Variants in RYR2 observed in about 807,000 individuals in gnomAD.
The protein encoded by RYR2 is ryanodine receptor 2.
Under a neutral mutation model 601.1 loss-of-function variants are expected in RYR2, and 227 were observed. The ratio of observed to expected loss-of-function variants is 0.38; its 90% CI spans 0.34 to 0.42. RYR2 has a LOEUF of 0.42. Ranked by LOEUF, RYR2 falls within the 10% of genes least tolerant of loss-of-function variation. The pLI is 1.00. For synonymous variants in RYR2, 2,223 were observed against 2,175.1 expected (o/e 1.02, Z -0.61); for missense variants, 4,646 against 6,156.5 (o/e 0.75, Z 8.21).
intron 1 of RYR2, among the ~76,000 whole-genome samples, chr1:237,183,079 A>G (rs1198697573): frequency 1.3e-5 from 2 of 152,166 alleles, no homozygotes; most frequent in Non-Finnish European, 2.9e-5. Flanking sequence ...ATCCTGACTC[A>G]GGCCCTTCTA....
At chr1:237,793,751 C>A in intron 94 of RYR2, 116 bp from the exon 95 acceptor site, 3 of 760,912 alleles carry the variant, frequency 3.9e-6, no homozygotes, top group Non-Finnish European at 4.2e-6. Flanking sequence ...CCATTTTTAC[C>A]TTCCTAGAAG....
At chr1:237,580,494 C>T (rs1673791386) in intron 29 of RYR2, among the ~76,000 whole-genome samples, 1 of 151,600 alleles carries the variant, frequency 6.6e-6, no homozygotes, top group Non-Finnish European at 1.5e-5. Context: ...TGAAGAAATG[C>T]CTTAAGGGGT....
intron 12 of RYR2, among the ~76,000 whole-genome samples, chr1:237,423,753 TC>T (rs912499292): frequency 6.6e-6 from 1 of 152,188 alleles, no homozygotes; most frequent in African/African-American, 2.4e-5. Context: ...CATTTATACA[TC>T]CATTCTTATA....
In RYR2 at chr1:237,383,648, C is replaced by T. The variant is rs549722462; in HGVS notation, c.577-3633C>T. On this transcript the variant is annotated intron_variant, in intron 8 of 104. Coordinates refer to ENST00000366574, the MANE Select transcript of RYR2 (RefSeq NM_001035.3). The stretch of plus-strand genomic sequence containing the variant: ...GCTTCACCGTGTTGGCCAGGATGGT[C>T]TCGATCTCCTGACCTCGTGATCTGC... Among the ~76,000 whole-genome samples, 9 of 152,058 alleles carry T rather than the reference C, an allele frequency of 5.9e-5. No homozygotes were observed. In the South Asian group the frequency reaches 1.7e-3, roughly 28 times the overall value.
At chr1:237,313,158 G>GT (rs560094817) in intron 2 of RYR2, among the ~76,000 whole-genome samples, 17 of 149,998 alleles carry the variant, frequency 1.1e-4, no homozygotes, top group African/African-American at 3.3e-4. Context: ...TTGAAGTACA[G>GT]ATATAGTTAA....
At chr1:237,679,256 C>T (rs1685650215) in intron 61 of RYR2, among the ~76,000 whole-genome samples, 1 of 152,304 alleles carries the variant, frequency 6.6e-6, no homozygotes, top group African/African-American at 2.4e-5. Flanking sequence ...CCCGTATACT[C>T]AGCACCCCCG....
intron 80 of RYR2, among the ~76,000 whole-genome samples, chr1:237,750,554 A>G (rs954958878): frequency 2.0e-5 from 3 of 150,914 alleles, no homozygotes; most frequent in African/African-American, 7.3e-5. Context: ...ATAAATATCA[A>G]TATCATTAAA....
At chr1:237,422,229 C>A (rs1006016551) in intron 11 of RYR2, among the ~76,000 whole-genome samples, 31 of 152,092 alleles carry the variant, frequency 2.0e-4, no homozygotes, top group African/African-American at 7.2e-4. Flanking sequence ...ACCTGAAAGT[C>A]ATTTATTTAT....
At chr1:237,766,710 T>A (rs1693873885) in intron 84 of RYR2, among the ~76,000 whole-genome samples, 1 of 152,172 alleles carries the variant, frequency 6.6e-6, no homozygotes, top group Non-Finnish European at 1.5e-5. Context: ...AGAAACAAGA[T>A]GCAATCACAT....
Position 237,595,140 on chromosome 1 carries a change from G to A in RYR2, c.4437-358G>A, listed in dbSNP as rs77943569. Among the ~76,000 whole-genome samples, 528 of 152,008 alleles carry A rather than the reference G, an allele frequency of 3.5e-3. 1 individual carries two copies. The highest frequency in any genetic ancestry group is 0.012 in the African/African-American group (492 of 41,478). ...AAAAAAAGCTAAAAAAAATCCATGAGATGAAAATTACAAATTTGGATGATT... is the reference window on the plus strand; with the variant it reads ...AAAAAAAGCTAAAAAAAATCCATGAAATGAAAATTACAAATTTGGATGATT... On this transcript the variant is annotated intron_variant, in intron 33 of 104. Coordinates refer to ENST00000366574, the MANE Select transcript of RYR2 (RefSeq NM_001035.3).
intron 2 of RYR2, among the ~76,000 whole-genome samples, chr1:237,281,711 T>G (rs1452092683): frequency 6.6e-6 from 1 of 152,202 alleles, no homozygotes; most frequent in Non-Finnish European, 1.5e-5. Context: ...GATGACCCAT[T>G]CTGTTCTGGA....
chr1:237,129,710 A>T lies in RYR2; in HGVS notation c.48+87141A>T, dbSNP rs1038035979. On this transcript the variant is annotated intron_variant, in intron 1 of 104. Coordinates refer to ENST00000366574, the MANE Select transcript of RYR2 (RefSeq NM_001035.3). ...ATAGTATAACATATATAGTATAATG[A>T]TACATATATATAGTATAATAGTATA... 7.9e-4 allele frequency among the ~76,000 whole-genome samples: 118 copies of T among 150,088 alleles called. 1 individual carries two copies. Among genetic ancestry groups the T allele is most frequent in the African/African-American group, 2.8e-3 (115 of 41,086 alleles).
At position 237,638,471 on chromosome 1, in the gene RYR2, A is replaced by C. The variant is rs1185651821; in HGVS notation, c.6907A>C (p.Arg2303=). Residue 2303 remains arginine (R), a synonymous_variant, in exon 45 of 105, where the codon AGA becomes CGA. Coordinates refer to ENST00000366574, the MANE Select transcript of RYR2 (RefSeq NM_001035.3). ...VEGERYLDFL[R]FAVFCNGESV... is the part of the protein sequence containing the mutation. ...AGGAGAGAGATATCTTGACTTTCTT[A>C]GATTTGCTGTCTTCTGTAATGGTAG... 6.2e-7 allele frequency: 1 copy of C among 1,613,752 alleles called. No homozygotes were observed. The highest frequency in any genetic ancestry group is 1.7e-5 in the Admixed American group (1 of 60,000).
At position 237,610,857 on chromosome 1, in the gene RYR2, C is replaced by A; in HGVS notation, c.4779C>A (p.His1593Gln). ...GCCTCCACGTGCAGTTCCTGTCACA[C>A]GTCCTGTGGAGCAGAATGCCCAACC... ...PPRLHVQFLS[H>Q]VLWSRMPNQF... Residue 1593 changes from histidine to glutamine, a missense_variant, in exon 36 of 105, where the codon CAC becomes CAA. Transcript: ENST00000366574. The surrounding 1 kb of genome is among the most constrained non-coding windows in gnomAD (Gnocchi z 4.9). The A allele has an allele frequency of 6.2e-7, 1 of 1,613,278 alleles. No individual in the cohort carries two copies. Among genetic ancestry groups the A allele is most frequent in the South Asian group, 1.1e-5 (1 of 90,862 alleles).
In RYR2 at chr1:237,161,813, C is replaced by T. The variant is rs561164240; in HGVS notation, c.49-108684C>T. Among the ~76,000 whole-genome samples the T allele has an allele frequency of 1.2e-3, 176 of 152,202 alleles. 2 individuals carry two copies. The highest frequency in any genetic ancestry group is 3.9e-3 in the African/African-American group (161 of 41,512). On this transcript the variant is annotated intron_variant, in intron 1 of 104. Coordinates refer to ENST00000366574, the MANE Select transcript of RYR2 (RefSeq NM_001035.3). The stretch of plus-strand genomic sequence containing the variant: ...AAGGTCACATCTGGGTAGAAATGAA[C>T]AAAACAATAAAGCAAAATATTGAAG...
intron 8 of RYR2, among the ~76,000 whole-genome samples, chr1:237,384,459 T>G (rs765442825): frequency 2.0e-5 from 3 of 152,380 alleles, no homozygotes; most frequent in East Asian, 1.9e-4. Context: ...TCCACCTTTG[T>G]GCTCACGCTC....
intron 1 of RYR2, among the ~76,000 whole-genome samples, chr1:237,069,173 A>G (rs917585147): frequency 2.0e-5 from 3 of 152,150 alleles, no homozygotes; most frequent in Non-Finnish European, 2.9e-5. Flanking sequence ...CCCTAGAAAA[A>G]TCCATGCAGC....
chr1:237,317,512 T>C (rs981282296), intron 2 of RYR2, among the ~76,000 whole-genome samples: 1 of 152,206 alleles, frequency 6.6e-6, no homozygotes, highest in African/African-American at 2.4e-5. Flanking sequence ...ATAGGATAGC[T>C]GATTTTTATG....
intron 1 of RYR2, among the ~76,000 whole-genome samples, chr1:237,129,809 T>C (rs932371907): frequency 3.9e-5 from 6 of 152,038 alleles, no homozygotes. Context: ...TATGAGGACA[T>C]TATGCTAAGA....
Sources: allele counts gnomAD v4.1 joint callset (sites outside exome capture counted in the v4.1 genomes callset), GRCh38; gene constraint gnomAD v4.1.1; non-coding constraint Gnocchi (gnomAD v3.1); transcripts MANE v1.5; gene names NCBI Gene and HGNC (gene_info 2026-07-23, HGNC 2026-07-21).